SULT1C3: variants seen among roughly 807,000 people sequenced by gnomAD.
SULT1C3 encodes sulfotransferase 1C3.
Under a neutral mutation model 28.4 loss-of-function variants are expected in SULT1C3, and 31 were observed. The ratio of observed to expected loss-of-function variants is 1.09; its 90% confidence interval spans 0.82 to 1.47. SULT1C3 has a LOEUF of 1.47. Ranked by LOEUF, SULT1C3 falls within the 40% of genes most tolerant of loss-of-function variation. SULT1C3 has a pLI of 0.00. For synonymous variants in SULT1C3, 106 were observed against 92.2 expected (o/e 1.15, Z -0.86); for missense variants, 307 against 272.5 (o/e 1.13, Z -0.89).
Position 108,258,929 on chromosome 2 carries a change from C to T in SULT1C3, c.622-37C>T, listed in dbSNP as rs761324518. ...TTAATTGGCCAAGTTCTTCTTCTTT[C>T]CTCCCTCTTCACAATGCCTTTTTCT... On this transcript the variant is annotated intron_variant, in intron 6 of 7. Transcript: ENST00000681802. 5.8e-6 allele frequency: 5 copies of T among 863,200 alleles called. No homozygotes were observed. The South Asian group carries it at 8.0e-5, about 14-fold the overall frequency. The allele number at this position is 863,200 out of a possible 1,614,324, so 53.5% of individuals were successfully genotyped here.
intron 5 of SULT1C3, among the ~76,000 whole-genome samples, chr2:108,258,525 A>G (rs1675933261): frequency 1.3e-5 from 2 of 152,136 alleles, no homozygotes. Context: ...GACATAGTCA[A>G]TGTGTGCAAA....
rs146458854 is a variant in SULT1C3 at position 108,253,368 on chromosome 2, T to G, written c.325T>G (p.Ser109Ala). Residue 109 changes from serine to alanine, a missense_variant, in exon 4 of 8, where the codon TCC (serine) becomes GCC (alanine). Ser to Ala is a moderately conservative substitution (Grantham distance 99). Coordinates refer to ENST00000681802, the MANE Select transcript of SULT1C3 (RefSeq NM_001320878.2). The part of the protein sequence containing the change: ...KPDLEFVLEM[S>A]SPQLIKTHLP... Reference sequence around the variant, plus strand: ...AGATTTGGAGTTCGTTCTTGAAATGTCCTCACCACAACTGATAAAAACACA... The same window carrying G: ...AGATTTGGAGTTCGTTCTTGAAATGGCCTCACCACAACTGATAAAAACACA... The G allele has an allele frequency of 6.4e-7, 1 of 1,559,868 alleles. No homozygotes were observed. Among genetic ancestry groups the G allele is most frequent in the African/African-American group, 1.4e-5 (1 of 72,876 alleles).
chr2:108,262,572 T>C (rs564956023), downstream of SULT1C3, among the ~76,000 whole-genome samples: 1 of 152,302 alleles, frequency 6.6e-6, no homozygotes, highest in Admixed American at 6.5e-5. Flanking sequence ...GGCTATCTAA[T>C]GTTAAGAACT....
Position 108,255,595 on chromosome 2 carries a change from C to T in SULT1C3, c.423C>T (p.Pro141=), listed in dbSNP as rs2104390221. Residue 141 remains proline (P), a synonymous_variant, in exon 5 of 8, where the codon CCC becomes CCT. Transcript: ENST00000681802. Reference sequence around the variant, plus strand: ...AGATTGTCTATGTGGCCAGAAATCCCAAGGATTGCCTGGTGTCCTACTACC... The same window carrying T: ...AGATTGTCTATGTGGCCAGAAATCCTAAGGATTGCCTGGTGTCCTACTACC... ...NCKIVYVARN[P]KDCLVSYYHF... is the part of the protein sequence containing the mutation. 1 of 1,611,670 alleles carries T rather than the reference C, an allele frequency of 6.2e-7. No individual in the cohort carries two copies. Among genetic ancestry groups the T allele is most frequent in the African/African-American group, 1.3e-5 (1 of 74,840 alleles).
At chr2:108,254,701 G>A (rs10865018) in intron 4 of SULT1C3, among the ~76,000 whole-genome samples, 95,551 of 150,316 alleles carry the variant, frequency 0.64, 30,505 homozygotes, top group East Asian at 0.82. Flanking sequence ...GTGTGTGTGT[G>A]TATATATATA....
chr2:108,252,494 G>A lies in SULT1C3; in HGVS notation c.301+1G>A, dbSNP rs771171167. The A allele has an allele frequency of 2.5e-5, 41 of 1,611,712 alleles. No individual in the cohort carries two copies. The highest frequency in any genetic ancestry group is 1.7e-6 in the Non-Finnish European group (2 of 1,178,702). ...AAATTTCCCCATAAAGAAAAACCAG[G>A]TGAGTAATATGCACGAAGATAGAAA... On this transcript the variant is annotated splice_donor_variant, in intron 3 of 7. Transcript: ENST00000681802. LOFTEE classifies it high-confidence loss of function.
intron 4 of SULT1C3, among the ~76,000 whole-genome samples, chr2:108,253,810 A>C (rs1354193079): frequency 8.6e-5 from 13 of 152,012 alleles, no homozygotes; most frequent in Non-Finnish European, 1.5e-5. Flanking sequence ...CTGGCCTCAG[A>C]AGCAGAGGTA....
intron 3 of SULT1C3, among the ~76,000 whole-genome samples, chr2:108,252,901 T>C (rs529416442): frequency 1.1e-4 from 16 of 151,992 alleles, no homozygotes; most frequent in East Asian, 3.9e-4. Context: ...CCAGAATTAA[T>C]TGGGGGAGCT....
chr2:108,253,233 C>A, intron 3 of SULT1C3, 112 bp from the exon 4 acceptor site: 1 of 579,406 alleles, frequency 1.7e-6, no homozygotes, highest in Non-Finnish European at 2.7e-6. Flanking sequence ...TTACTATTTC[C>A]AATGGATATA....
chr2:108,240,480 T>C (rs1573211010), intron 1 of SULT1C3, among the ~76,000 whole-genome samples: 1 of 152,218 alleles, frequency 6.6e-6, no homozygotes, highest in South Asian at 2.1e-4. Context: ...CTTACCAAGA[T>C]ATAGAATTTC....
downstream of SULT1C3, among the ~76,000 whole-genome samples, chr2:108,263,496 G>T (rs1558668200): frequency 6.6e-6 from 1 of 152,148 alleles, no homozygotes; most frequent in Non-Finnish European, 1.5e-5. Flanking sequence ...AGAATTGTAG[G>T]GATATGGGGC....
intron 1 of SULT1C3, among the ~76,000 whole-genome samples, chr2:108,243,799 C>T (rs1159542868): frequency 5.3e-5 from 8 of 152,086 alleles, no homozygotes; most frequent in African/African-American, 1.9e-4. Context: ...TAAACTCTAC[C>T]CTTGATGAAT....
intron 1 of SULT1C3, among the ~76,000 whole-genome samples, chr2:108,243,173 A>G (rs1019503714): frequency 2.0e-5 from 3 of 152,164 alleles, no homozygotes; most frequent in Non-Finnish European, 2.9e-5. Context: ...TCATTGCAAA[A>G]TTGTAACTGA....
intron 4 of SULT1C3, among the ~76,000 whole-genome samples, chr2:108,254,220 G>A (rs538211454): frequency 6.6e-6 from 1 of 152,006 alleles, no homozygotes; most frequent in South Asian, 2.1e-4. Flanking sequence ...CCTCCCCAGG[G>A]TCTTCCCATA....
intron 2 of SULT1C3, among the ~76,000 whole-genome samples, chr2:108,249,213 G>C (rs1456878915): frequency 1.3e-5 from 2 of 151,908 alleles, no homozygotes; most frequent in Non-Finnish European, 2.9e-5. Flanking sequence ...CGAATATTCA[G>C]GTGTTGTTTT....
At chr2:108,242,873 A>G (rs1364714462) in intron 1 of SULT1C3, among the ~76,000 whole-genome samples, 2 of 152,214 alleles carry the variant, frequency 1.3e-5, no homozygotes, top group Admixed American at 1.3e-4. Context: ...GACAAAAAAT[A>G]GAGAAAAATA....
At position 108,258,733 on chromosome 2, in the gene SULT1C3, G is replaced by T. The variant is rs1175884846; in HGVS notation, c.527-1G>T. ...ACTAACAGTGCTCTGACTTCTTCCA[G>T]TTGTTGGCGGGTCCTGGTTTGACCA... On this transcript the variant is annotated splice_acceptor_variant, in intron 5 of 7. Transcript: ENST00000681802. LOFTEE classifies it high-confidence loss of function. 1 of 1,611,622 alleles carries T rather than the reference G, an allele frequency of 6.2e-7. No individual in the cohort carries two copies. The highest frequency in any genetic ancestry group is 8.5e-7 in the Non-Finnish European group (1 of 1,178,560).
At chr2:108,257,623 A>G (rs1675907036) in intron 5 of SULT1C3, among the ~76,000 whole-genome samples, 1 of 152,124 alleles carries the variant, frequency 6.6e-6, no homozygotes, top group Non-Finnish European at 1.5e-5. Context: ...ACATTCACAT[A>G]GATGTAAATA....
chr2:108,264,836 G>C (rs1206384682), downstream of SULT1C3: 1 of 1,610,206 alleles, frequency 6.2e-7, no homozygotes, highest in East Asian at 2.2e-5. Flanking sequence ...ACCCAAAGCG[G>C]GAAATTGAGA....
Sources: gnomAD v4.1 joint callset for allele counts (sites outside exome capture counted in the v4.1 genomes callset) on GRCh38, gnomAD v4.1.1 for gene constraint, MANE v1.5 for transcripts, NCBI Gene and HGNC (gene_info 2026-07-23, HGNC 2026-07-21) for gene names.